The following LIPC variants were observed in gnomAD, a reference collection of about 807,000 sequenced individuals.
The protein encoded by LIPC is lipase C, hepatic type, also known as hepatic triacylglycerol lipase.
Under a neutral mutation model 50.7 loss-of-function variants are expected in LIPC, and 44 were observed. The observed-to-expected ratio is 0.87, with a 90% CI of 0.68 to 1.11. The LOEUF (loss-of-function observed/expected upper bound fraction) is 1.11. Ranked by LOEUF, LIPC falls within the 50% of genes most tolerant of loss-of-function variation. The pLI, the probability that LIPC is intolerant of heterozygous loss-of-function variation, is 0.00. For missense variants in LIPC, 697 were observed against 648.2 expected (o/e 1.08, Z -0.82); for synonymous variants, 271 against 256.4 (o/e 1.06, Z -0.54).
chr15:58,508,123 A>C (rs965687553), intron 1 of LIPC, among the ~76,000 whole-genome samples: 7 of 151,844 alleles, frequency 4.6e-5, no homozygotes, highest in African/African-American at 1.7e-4. Flanking sequence ...AGGAGACTAG[A>C]GGTAATTGCT....
chr15:58,431,996 T>C lies in LIPC; in HGVS notation c.-37T>C, dbSNP rs767495112. The C allele has an allele frequency of 1.3e-6, 2 of 1,481,700 alleles. No individual in the cohort carries two copies. Among genetic ancestry groups the C allele is most frequent in the Non-Finnish European group, 1.9e-6 (2 of 1,059,250 alleles). 91.8% of individuals were successfully genotyped at this position (1,481,700 alleles called of 1,614,324 possible). A position where few individuals can be genotyped will look rare whatever the true frequency, so the allele number is the denominator to read the frequency against. On this transcript the variant is annotated 5_prime_UTR_variant, in exon 1 of 9. Coordinates refer to ENST00000299022, the MANE Select transcript of LIPC (RefSeq NM_000236.3). ...ATTGTGGTCTCTTTGGCTTCAGAAA[T>C]TACCAAGAAAGCCTGGACCCCGGGT...
intron 1 of LIPC, among the ~76,000 whole-genome samples, chr15:58,488,617 GAA>G (rs1210852167): frequency 6.6e-6 from 1 of 152,224 alleles, no homozygotes; most frequent in South Asian, 2.1e-4. Flanking sequence ...CCCATTTTCT[GAA>G]AAGTGTCCGA....
In LIPC at chr15:58,568,919, TCTCACACAAAG is replaced by T. The variant is rs1894473511; in HGVS notation, c.*95_*105del. ...TTAGAAGCCAAAATTACATAAAGAA[TCTCACACAAAG>T]CTTAAATAAAGTTTAGATTTAAGGG... On this transcript the variant is annotated 3_prime_UTR_variant, in exon 9 of 9. Transcript: ENST00000299022. The T allele has an allele frequency of 1.4e-6, 1 of 694,484 alleles. No homozygotes were observed. The highest frequency in any genetic ancestry group is 2.8e-5 in the Admixed American group (1 of 36,340). 43.0% of individuals were successfully genotyped at this position (694,484 alleles called of 1,614,324 possible). A position where few individuals can be genotyped will look rare whatever the true frequency, so the allele number is the denominator to read the frequency against.
At chr15:58,514,561 C>T (rs1290667877) in intron 1 of LIPC, among the ~76,000 whole-genome samples, 1 of 152,140 alleles carries the variant, frequency 6.6e-6, no homozygotes, top group Non-Finnish European at 1.5e-5. Context: ...CAGTGGCTCA[C>T]GTCTGGAATC....
At chr15:58,449,777 A>T in intron 1 of LIPC, among the ~76,000 whole-genome samples, 1 of 152,152 alleles carries the variant, frequency 6.6e-6, no homozygotes, top group East Asian at 1.9e-4. Flanking sequence ...TGACTTCAAG[A>T]GATCCCCCCT....
chr15:58,472,873 G>C (rs1227483211), intron 1 of LIPC, among the ~76,000 whole-genome samples: 1 of 152,158 alleles, frequency 6.6e-6, no homozygotes, highest in Non-Finnish European at 1.5e-5. Flanking sequence ...ATTCAAGCTA[G>C]CCAAGGGCTA....
intron 3 of LIPC, 41 bp from the exon 4 acceptor site, chr15:58,542,493 G>A: frequency 7.6e-7 from 1 of 1,323,992 alleles, no homozygotes; most frequent in South Asian, 1.2e-5. Flanking sequence ...CTTTCATCCA[G>A]GCAGCTCTTC....
In LIPC at chr15:58,481,980, G is replaced by C. The variant is rs1177234106; in HGVS notation, c.88+49860G>C. Among the ~76,000 whole-genome samples the C allele has an allele frequency of 4.6e-5, 7 of 152,352 alleles. No individual in the cohort carries two copies. In the East Asian group the frequency reaches 1.4e-3, roughly 29 times the overall value. The stretch of plus-strand genomic sequence containing the variant: ...TGTCTCCAGAACAATAGCAACGGCT[G>C]ACTTGGGGCAGCAGGGAAAGAGCCT... On this transcript the variant is annotated intron_variant, in intron 1 of 8. Coordinates refer to ENST00000299022, the MANE Select transcript of LIPC (RefSeq NM_000236.3).
chr15:58,464,801 G>T (rs1336505319), intron 1 of LIPC, among the ~76,000 whole-genome samples: 2 of 152,092 alleles, frequency 1.3e-5, no homozygotes, highest in Admixed American at 6.6e-5. Context: ...GGTGAAACTC[G>T]GTCTGTACTA....
chr15:58,490,308 A>G (rs1891542411), intron 1 of LIPC, among the ~76,000 whole-genome samples: 1 of 152,152 alleles, frequency 6.6e-6, no homozygotes, highest in Non-Finnish European at 1.5e-5. Flanking sequence ...TCACCTCCAT[A>G]AGGACAGCCA....
At chr15:58,496,393 A>G (rs1891764709) in intron 1 of LIPC, among the ~76,000 whole-genome samples, 1 of 152,154 alleles carries the variant, frequency 6.6e-6, no homozygotes, top group Non-Finnish European at 1.5e-5. Flanking sequence ...GCAGTCATCT[A>G]CAGTTGGACA....
intron 1 of LIPC, among the ~76,000 whole-genome samples, chr15:58,448,637 C>G (rs1249703196): frequency 1.3e-5 from 2 of 152,342 alleles, no homozygotes; most frequent in Non-Finnish European, 2.9e-5. Context: ...TCACCATATG[C>G]CAGGCCTGGC....
chr15:58,476,405 G>A (rs181149792), intron 1 of LIPC, among the ~76,000 whole-genome samples: 124 of 152,366 alleles, frequency 8.1e-4, no homozygotes, highest in Admixed American at 1.5e-3. Context: ...AGAAGTCACA[G>A]GAAGCCATGC....
intron 1 of LIPC, among the ~76,000 whole-genome samples, chr15:58,514,855 A>G (rs1450244115): frequency 6.6e-6 from 1 of 152,254 alleles, no homozygotes; most frequent in Non-Finnish European, 1.5e-5. Context: ...AAGGCTGCAT[A>G]TCGGTTTCCT....
Position 58,569,408 on chromosome 15 carries a change from G to A in LIPC, c.*581G>A, listed in dbSNP as rs756505083. ...TCTACTAAAACTACTTGTGATAACA[G>A]TGAAAGCTAGACATGTGGTCATTTT... On this transcript the variant is annotated 3_prime_UTR_variant, in exon 9 of 9. Coordinates refer to ENST00000299022, the MANE Select transcript of LIPC (RefSeq NM_000236.3). 1 of 152,140 alleles carries A rather than the reference G, an allele frequency of 6.6e-6. No homozygotes were observed. Among genetic ancestry groups the A allele is most frequent in the Non-Finnish European group, 1.5e-5 (1 of 68,022 alleles). The allele number at this position is 152,140 out of a possible 1,614,324, so 9.4% of individuals were successfully genotyped here. A position where few individuals can be genotyped will look rare whatever the true frequency, so the allele number is the denominator to read the frequency against.
At chr15:58,550,455 C>T (rs578210022) in intron 6 of LIPC, among the ~76,000 whole-genome samples, 1 of 152,268 alleles carries the variant, frequency 6.6e-6, no homozygotes, top group South Asian at 2.1e-4. Flanking sequence ...CCCCACTGCC[C>T]GACCACCATA....
In LIPC at chr15:58,476,197, C is replaced by T. The variant is rs149377783; in HGVS notation, c.88+44077C>T. Among the ~76,000 whole-genome samples the T allele has an allele frequency of 2.4e-4, 36 of 152,384 alleles. 1 individual carries two copies. The highest frequency in any genetic ancestry group is 8.2e-4 in the African/African-American group (34 of 41,590). ...AGTAGTGGATTTGGTCTTCCATCCC[C>T]AGTCCATCTGCTCTGGCACCCAGGT... is the stretch of plus-strand genomic sequence containing the variant. On this transcript the variant is annotated intron_variant, in intron 1 of 8. Coordinates refer to ENST00000299022, the MANE Select transcript of LIPC (RefSeq NM_000236.3).
At chr15:58,452,843 C>T (rs1371553909) in intron 1 of LIPC, among the ~76,000 whole-genome samples, 1 of 152,208 alleles carries the variant, frequency 6.6e-6, no homozygotes, top group Non-Finnish European at 1.5e-5. Context: ...AGCTGGGGGA[C>T]ACAGAGGTCC....
intron 1 of LIPC, among the ~76,000 whole-genome samples, chr15:58,498,991 C>G (rs1595899522): frequency 1.3e-5 from 2 of 152,168 alleles, no homozygotes; most frequent in African/African-American, 4.8e-5. Context: ...CCCAAGGAGG[C>G]TGGGCCTGTC....
Sources: gnomAD v4.1 joint callset for allele counts (sites outside exome capture counted in the v4.1 genomes callset) on GRCh38, gnomAD v4.1.1 for gene constraint, MANE v1.5 for transcripts, NCBI Gene and HGNC (gene_info 2026-07-23, HGNC 2026-07-21) for gene names.